ZDHHC14: variants seen among roughly 807,000 people sequenced by gnomAD.
ZDHHC14 encodes zDHHC palmitoyltransferase 14.
A neutral mutation model predicts 47.7 loss-of-function variants in ZDHHC14; 16 were observed. The ratio of observed to expected loss-of-function variants is 0.34; its 90% CI spans 0.23 to 0.51. The LOEUF (loss-of-function observed/expected upper bound fraction) is 0.51, where lower values mean the gene tolerates loss of function less well. ZDHHC14 is among the 20% of genes least tolerant of loss of function. ZDHHC14 has a pLI of 0.97. For missense variants in ZDHHC14, 515 were observed against 662.5 expected, an observed-to-expected ratio of 0.78 and a Z score of 2.44; for synonymous variants, 293 against 278.9, an observed-to-expected ratio of 1.05 and a Z score of -0.50.
intron 1 of ZDHHC14, among the ~76,000 whole-genome samples, chr6:157,523,046 T>G (rs9918336): frequency 0.023 from 3,476 of 149,454 alleles, 156 homozygotes; most frequent in African/African-American, 0.082. Flanking sequence ...TCTGAGTACT[T>G]ATTTCCAGAC....
chr6:157,606,563 C>G (rs1437893921), intron 3 of ZDHHC14, among the ~76,000 whole-genome samples: 1 of 152,230 alleles, frequency 6.6e-6, no homozygotes, highest in East Asian at 1.9e-4. Flanking sequence ...AATGCAGCAA[C>G]TTGGATGGAA....
chr6:157,522,657 G>T (rs1037286631), intron 1 of ZDHHC14, among the ~76,000 whole-genome samples: 1 of 149,676 alleles, frequency 6.7e-6, no homozygotes, highest in Admixed American at 6.7e-5. Flanking sequence ...TATAAGAATT[G>T]ATTTTTTATT....
At chr6:157,613,266 G>A (rs1784824362) in intron 3 of ZDHHC14, among the ~76,000 whole-genome samples, 1 of 152,172 alleles carries the variant, frequency 6.6e-6, no homozygotes. Context: ...ATTTTCTACT[G>A]GGATCCAGTG....
At chr6:157,598,876 G>T (rs983239101) in intron 3 of ZDHHC14, among the ~76,000 whole-genome samples, 1 of 152,032 alleles carries the variant, frequency 6.6e-6, no homozygotes. Flanking sequence ...ACTTTCCAGC[G>T]TTCTAAAGGC....
rs1777205584 is a variant in ZDHHC14 at position 157,381,380 on chromosome 6, C to T, written c.-642C>T. ...TGCCAGGCGCAGCGACACCGGGTCG[C>T]GGTGCGAGCGGCGCCCCGGCTCTCG... On this transcript the variant is annotated 5_prime_UTR_variant, in exon 1 of 9. Transcript: ENST00000359775. 1 of 174,666 alleles carries T rather than the reference C, an allele frequency of 5.7e-6. No homozygotes were observed. The highest frequency in any genetic ancestry group is 6.3e-5 in the Admixed American group (1 of 15,768). 10.8% of individuals were successfully genotyped at this position (174,666 alleles called of 1,614,324 possible). A position where few individuals can be genotyped will look rare whatever the true frequency, so the allele number is the denominator to read the frequency against.
At chr6:157,568,141 A>G (rs1357270167) in intron 2 of ZDHHC14, among the ~76,000 whole-genome samples, 1 of 152,228 alleles carries the variant, frequency 6.6e-6, no homozygotes, top group Non-Finnish European at 1.5e-5. Flanking sequence ...TACTTCATTG[A>G]CATCTAAATT....
intron 3 of ZDHHC14, among the ~76,000 whole-genome samples, chr6:157,626,462 C>T (rs570328653): frequency 6.6e-6 from 1 of 152,276 alleles, no homozygotes; most frequent in Admixed American, 6.5e-5. Flanking sequence ...CTGTGCAGAT[C>T]AGTAACTCGG....
At chr6:157,645,203 C>T (rs1294231335) in intron 5 of ZDHHC14, among the ~76,000 whole-genome samples, 1 of 152,144 alleles carries the variant, frequency 6.6e-6, no homozygotes, top group African/African-American at 2.4e-5. Flanking sequence ...AGAGAAGAGG[C>T]CGTCCACTAA....
intron 3 of ZDHHC14, among the ~76,000 whole-genome samples, chr6:157,607,519 C>T (rs2114917088): frequency 6.6e-6 from 1 of 152,292 alleles, no homozygotes; most frequent in Middle Eastern, 3.4e-3. Flanking sequence ...GGAGGAAGGA[C>T]CACCTACAGT....
chr6:157,468,883 G>A (rs141414964), intron 1 of ZDHHC14, among the ~76,000 whole-genome samples: 1 of 152,190 alleles, frequency 6.6e-6, no homozygotes, highest in East Asian at 1.9e-4. Context: ...ACGTGGCGCA[G>A]GATTTAAGAT....
chr6:157,555,586 T>C (rs544353578), intron 2 of ZDHHC14, among the ~76,000 whole-genome samples: 1 of 152,228 alleles, frequency 6.6e-6, no homozygotes, highest in Non-Finnish European at 1.5e-5. Context: ...TTAGGTGCTA[T>C]AGAAGAATCA....
At position 157,427,177 on chromosome 6, in the gene ZDHHC14, C is replaced by CAGGAGGA. The variant is rs1421841749; in HGVS notation, c.245+44922_245+44928dup. On this transcript the variant is annotated intron_variant, in intron 1 of 8. Coordinates refer to ENST00000359775, the MANE Select transcript of ZDHHC14 (RefSeq NM_024630.3). The surrounding 1 kb of genome is among the most constrained non-coding windows in gnomAD (Gnocchi z 4.4). Reference sequence around the variant, plus strand: ...TGGAGGGGCATCGGGCCTGGGAGCACAGGAGGAAGGAGGAAGGGCGGGTGG... The same window carrying CAGGAGGA: ...TGGAGGGGCATCGGGCCTGGGAGCACAGGAGGAAGGAGGAAGGAGGAAGGGCGGGTGG... Among the ~76,000 whole-genome samples the CAGGAGGA allele has an allele frequency of 6.6e-6, 1 of 151,574 alleles. No homozygotes were observed. Among genetic ancestry groups the CAGGAGGA allele is most frequent in the Non-Finnish European group, 1.5e-5 (1 of 67,896 alleles).
intron 3 of ZDHHC14, among the ~76,000 whole-genome samples, chr6:157,593,885 G>T (rs1412794461): frequency 6.6e-6 from 1 of 152,234 alleles, no homozygotes; most frequent in Non-Finnish European, 1.5e-5. Context: ...TAGAGATGAG[G>T]TTGGCAAGGA....
At chr6:157,479,876 G>C (rs1307198070) in intron 1 of ZDHHC14, among the ~76,000 whole-genome samples, 1 of 152,222 alleles carries the variant, frequency 6.6e-6, no homozygotes, top group African/African-American at 2.4e-5. Context: ...GTTTCAATGT[G>C]AATCTGATCA....
chr6:157,545,740 A>G (rs1366999750), intron 2 of ZDHHC14, among the ~76,000 whole-genome samples: 1 of 152,108 alleles, frequency 6.6e-6, no homozygotes, highest in African/African-American at 2.4e-5. Flanking sequence ...TGGAAGAAGC[A>G]GAAGGAAAAG....
intron 2 of ZDHHC14, among the ~76,000 whole-genome samples, chr6:157,547,561 A>G (rs1782026483): frequency 6.6e-6 from 1 of 150,436 alleles, no homozygotes; most frequent in African/African-American, 2.5e-5. Flanking sequence ...AAGAGTAGAA[A>G]CATTTTAATT....
chr6:157,451,152 C>A (rs943296664), intron 1 of ZDHHC14, among the ~76,000 whole-genome samples: 2 of 152,042 alleles, frequency 1.3e-5, no homozygotes, highest in Admixed American at 1.3e-4. Flanking sequence ...ACCAATTAAC[C>A]TTTGCTGTGA....
intron 1 of ZDHHC14, among the ~76,000 whole-genome samples, chr6:157,501,562 TC>T (rs1050486083): frequency 3.0e-4 from 46 of 152,252 alleles, no homozygotes; most frequent in Non-Finnish European, 5.4e-4. Flanking sequence ...TTGTTTTGTA[TC>T]CATGAACATG....
At chr6:157,640,265 G>GT (rs899279640) in intron 5 of ZDHHC14, among the ~76,000 whole-genome samples, 1 of 152,158 alleles carries the variant, frequency 6.6e-6, no homozygotes, top group African/African-American at 2.4e-5. Flanking sequence ...AATGTGGAGA[G>GT]TTTTTTGTGG....
Sources: gnomAD v4.1 joint callset for allele counts (sites outside exome capture counted in the v4.1 genomes callset) on GRCh38, gnomAD v4.1.1 for gene constraint, Gnocchi (gnomAD v3.1) non-coding constraint, MANE v1.5 for transcripts, NCBI Gene and HGNC (gene_info 2026-07-23, HGNC 2026-07-21) for gene names.